GRIK4: variants seen among roughly 807,000 people sequenced by gnomAD.
GRIK4 encodes glutamate receptor ionotropic, kainate 4.
A neutral mutation model predicts 104.9 loss-of-function variants in GRIK4; 40 were observed. That is an observed-to-expected ratio of 0.38 (90% CI 0.30 to 0.50). The LOEUF is 0.50. GRIK4 is among the 20% of genes least tolerant of loss of function. GRIK4 has a pLI of 0.93. For missense variants in GRIK4, 1,047 were observed against 1,308.1 expected, an observed-to-expected ratio of 0.80 and a Z score of 3.08; for synonymous variants, 485 against 524.9, an observed-to-expected ratio of 0.92 and a Z score of 1.04.
intron 3 of GRIK4, among the ~76,000 whole-genome samples, chr11:120,703,319 A>G (rs890778080): frequency 3.3e-5 from 5 of 152,274 alleles, no homozygotes; most frequent in Admixed American, 2.0e-4. Flanking sequence ...GGGTCTTTCA[A>G]CCTACCCTCT....
chr11:120,944,591 G>C (rs1943811468), intron 14 of GRIK4, among the ~76,000 whole-genome samples: 1 of 152,140 alleles, frequency 6.6e-6, no homozygotes, highest in Non-Finnish European at 1.5e-5. Context: ...CAAATATACT[G>C]GGTATCCCCA....
At position 120,953,411 on chromosome 11, in the gene GRIK4, A is replaced by T. The variant is rs562464473; in HGVS notation, c.1700+447A>T. On this transcript the variant is annotated intron_variant, in intron 15 of 20. Transcript: ENST00000527524. This position sits in a 1 kb window ranked among gnomAD's most constrained non-coding sequence, Gnocchi z 4.9. ...GAATGACAAGGAACAGAGCCTGCAA[A>T]TCTGGACTGGGGGCACTGGGGGCTG... is the stretch of plus-strand genomic sequence containing the variant. Among the ~76,000 whole-genome samples, 6 of 152,224 alleles carry T rather than the reference A, an allele frequency of 3.9e-5. No individual in the cohort carries two copies. Among genetic ancestry groups the T allele is most frequent in the Admixed American group, 1.3e-4 (2 of 15,298 alleles).
intron 8 of GRIK4, among the ~76,000 whole-genome samples, chr11:120,853,662 C>A (rs935452633): frequency 3.9e-5 from 6 of 152,164 alleles, no homozygotes; most frequent in African/African-American, 1.2e-4. Flanking sequence ...AACAGGGAAC[C>A]AAGGGAGGGA....
At position 120,984,628 on chromosome 11, in the gene GRIK4, T is replaced by C. The variant is rs142031364; in HGVS notation, c.2515-1276T>C. On this transcript the variant is annotated intron_variant, in intron 20 of 20. Transcript: ENST00000527524. ...CCAAGAAATACAAAATTTAGCCGGG[T>C]GTGATGGCACGTGCCTGTAATCCCA... 9.7e-3 allele frequency among the ~76,000 whole-genome samples: 1,469 copies of C among 151,774 alleles called. 26 individuals carry two copies. The highest frequency in any genetic ancestry group is 0.033 in the African/African-American group (1,346 of 41,396).
intron 1 of GRIK4, among the ~76,000 whole-genome samples, chr11:120,560,526 G>A (rs1948228636): frequency 6.6e-6 from 1 of 152,212 alleles, no homozygotes; most frequent in African/African-American, 2.4e-5. Context: ...GTATGTATAT[G>A]TGTGTATATG....
chr11:120,763,956 A>G (rs1951791388), intron 3 of GRIK4, among the ~76,000 whole-genome samples: 2 of 152,172 alleles, frequency 1.3e-5, no homozygotes, highest in South Asian at 4.2e-4. Flanking sequence ...GGTGGCTGTT[A>G]GGTTCGCTTG....
chr11:120,953,008 G>A lies in GRIK4; in HGVS notation c.1700+44G>A. 2 of 1,287,222 alleles carry A rather than the reference G, an allele frequency of 1.6e-6. No homozygotes were observed. Among genetic ancestry groups the A allele is most frequent in the Non-Finnish European group, 1.1e-6 (1 of 885,726 alleles). 79.7% of individuals were successfully genotyped at this position (1,287,222 alleles called of 1,614,324 possible). ...CCCTGTCCTTACACCGCCACCTCGT[G>A]TCCACCTCTGGGAACTGCATGGGGA... is the stretch of plus-strand genomic sequence containing the variant. On this transcript the variant is annotated intron_variant, in intron 15 of 20. Coordinates refer to ENST00000527524, the MANE Select transcript of GRIK4 (RefSeq NM_014619.5). This position sits in a 1 kb window ranked among gnomAD's most constrained non-coding sequence, Gnocchi z 4.9.
At chr11:120,919,457 A>G (rs950897064) in intron 13 of GRIK4, among the ~76,000 whole-genome samples, 14 of 152,222 alleles carry the variant, frequency 9.2e-5, no homozygotes, top group African/African-American at 3.4e-4. Flanking sequence ...TTGAACGAGT[A>G]GCATCAGCAA....
chr11:120,901,401 G>A (rs1159625287), intron 12 of GRIK4, among the ~76,000 whole-genome samples: 1 of 152,012 alleles, frequency 6.6e-6, no homozygotes, highest in African/African-American at 2.4e-5. Flanking sequence ...TCTAATTTCT[G>A]TTTCCAGCTG....
At chr11:120,922,773 G>A (rs758937956) in intron 13 of GRIK4, among the ~76,000 whole-genome samples, 19 of 152,182 alleles carry the variant, frequency 1.2e-4, no homozygotes, top group Non-Finnish European at 2.6e-4. Context: ...CCATCTGAGA[G>A]TCCTGTTGTA....
chr11:120,878,107 A>C (rs549292050), intron 11 of GRIK4, among the ~76,000 whole-genome samples: 14 of 152,308 alleles, frequency 9.2e-5, no homozygotes, highest in Non-Finnish European at 1.8e-4. Flanking sequence ...CTCATCCTTC[A>C]GCCCCCAACC....
chr11:120,593,070 C>T (rs1460957372), intron 1 of GRIK4, among the ~76,000 whole-genome samples: 1 of 151,772 alleles, frequency 6.6e-6, no homozygotes, highest in African/African-American at 2.4e-5. Context: ...GTAATCCCAC[C>T]TACTCAGGAG....
At chr11:120,924,358 C>T (rs185839274) in intron 13 of GRIK4, among the ~76,000 whole-genome samples, 4 of 152,246 alleles carry the variant, frequency 2.6e-5, no homozygotes, top group Admixed American at 1.3e-4. Context: ...ACCACAGAGT[C>T]AGCAGAGCGT....
At chr11:120,923,257 T>A (rs889531388) in intron 13 of GRIK4, among the ~76,000 whole-genome samples, 1 of 152,080 alleles carries the variant, frequency 6.6e-6, no homozygotes, top group Admixed American at 6.5e-5. Flanking sequence ...CCAGGTGGGA[T>A]GTTGCGGCCC....
In GRIK4 at chr11:120,905,877, G is replaced by T. The variant is rs1485336953; in HGVS notation, c.1476+384G>T. Reference sequence around the variant, plus strand: ...GGGAGAAGAGAATGCACCCACATCAGCTGGCTTGGATCCTTGAGAGACACT... The same window carrying T: ...GGGAGAAGAGAATGCACCCACATCATCTGGCTTGGATCCTTGAGAGACACT... On this transcript the variant is annotated intron_variant, in intron 13 of 20. Transcript: ENST00000527524. This position sits in a 1 kb window ranked among gnomAD's most constrained non-coding sequence, Gnocchi z 5.1. Among the ~76,000 whole-genome samples the T allele has an allele frequency of 1.3e-5, 2 of 152,210 alleles. No individual in the cohort carries two copies. Among genetic ancestry groups the T allele is most frequent in the Non-Finnish European group, 2.9e-5 (2 of 68,036 alleles).
intron 1 of GRIK4, among the ~76,000 whole-genome samples, chr11:120,611,732 C>A (rs976648684): frequency 6.6e-6 from 1 of 152,194 alleles, no homozygotes; most frequent in East Asian, 1.9e-4. Flanking sequence ...CTCTCTCCCC[C>A]ATCTGCCTAT....
chr11:120,888,751 G>A (rs1014165253), intron 11 of GRIK4, among the ~76,000 whole-genome samples: 1 of 152,240 alleles, frequency 6.6e-6, no homozygotes, highest in East Asian at 1.9e-4. Context: ...TGAAACCAAA[G>A]CTTGTGAAAC....
At chr11:120,856,234 A>T (rs563327058) in intron 8 of GRIK4, among the ~76,000 whole-genome samples, 1 of 152,344 alleles carries the variant, frequency 6.6e-6, no homozygotes, top group African/African-American at 2.4e-5. Context: ...ATGTGGCCAA[A>T]TGAGGGTTTG....
intron 6 of GRIK4, among the ~76,000 whole-genome samples, chr11:120,829,616 T>C (rs982380726): frequency 2.0e-5 from 3 of 152,180 alleles, no homozygotes; most frequent in Non-Finnish European, 4.4e-5. Flanking sequence ...CGCCTGCCCT[T>C]GGAGCACTTC....
Sources: allele counts gnomAD v4.1 joint callset (sites outside exome capture counted in the v4.1 genomes callset), GRCh38; gene constraint gnomAD v4.1.1; non-coding constraint Gnocchi (gnomAD v3.1); transcripts MANE v1.5; gene names NCBI Gene and HGNC (gene_info 2026-07-23, HGNC 2026-07-21).